Variants in PDE10A observed in about 807,000 individuals in gnomAD.
PDE10A encodes the protein cAMP and cAMP-inhibited cGMP 3',5'-cyclic phosphodiesterase 10A.
Under a neutral mutation model 97.7 loss-of-function variants are expected in PDE10A, and 39 were observed. That is an observed-to-expected ratio of 0.40 (90% CI 0.31 to 0.52). The LOEUF (loss-of-function observed/expected upper bound fraction) is 0.52, where lower values mean the gene tolerates loss of function less well. Ranked by LOEUF, PDE10A falls within the 20% of genes least tolerant of loss-of-function variation. PDE10A has a pLI of 0.56. For synonymous variants in PDE10A, 371 were observed against 376.8 expected, an observed-to-expected ratio of 0.98 and a Z score of 0.18; for missense variants, 731 against 1,047.8, an observed-to-expected ratio of 0.70 and a Z score of 4.17.
chr6:165,562,777 A>G lies in PDE10A; in HGVS notation c.866-19209T>C, dbSNP rs537080141. On this transcript the variant is annotated intron_variant, in intron 1 of 21. Coordinates refer to ENST00000539869, the MANE Select transcript of PDE10A (RefSeq NM_001385079.1). Reference sequence around the variant, plus strand: ...GAGCCCACCTGGCCTGGCACGTAGTAAAATTTAAATCATAAGTTCTCAGCT... The same window carrying G: ...GAGCCCACCTGGCCTGGCACGTAGTGAAATTTAAATCATAAGTTCTCAGCT... Among the ~76,000 whole-genome samples the G allele has an allele frequency of 1.7e-3, 254 of 152,306 alleles. 4 individuals are homozygous for G. Among genetic ancestry groups the G allele is most frequent in the Admixed American group, 0.014 (221 of 15,290 alleles).
chr6:165,366,530 G>GT (rs1339830145), intron 18 of PDE10A, among the ~76,000 whole-genome samples: 3 of 152,226 alleles, frequency 2.0e-5, no homozygotes, highest in Non-Finnish European at 2.9e-5. Flanking sequence ...AAAAACTGGC[G>GT]TAAGTGGAAG....
chr6:165,699,974 T>G (rs1008695988), intron 1 of PDE10A, among the ~76,000 whole-genome samples: 16 of 151,900 alleles, frequency 1.1e-4, no homozygotes, highest in Non-Finnish European at 2.1e-4. Flanking sequence ...AAGGAAATTA[T>G]AGAGTGGAAA....
chr6:165,911,102 T>C (rs531518406), intron 1 of PDE10A, among the ~76,000 whole-genome samples: 9 of 152,328 alleles, frequency 5.9e-5, no homozygotes, highest in Admixed American at 4.6e-4. Flanking sequence ...AGAATCACAA[T>C]GCTATTTTTA....
At chr6:165,343,678 A>G (rs959062946) in intron 18 of PDE10A, among the ~76,000 whole-genome samples, 176 bp from the exon 19 acceptor site, 2 of 152,244 alleles carry the variant, frequency 1.3e-5, no homozygotes, top group Non-Finnish European at 2.9e-5. Flanking sequence ...CATTTTCATC[A>G]TAAGAACAAG....
intron 1 of PDE10A, among the ~76,000 whole-genome samples, chr6:165,741,838 G>A (rs965764838): frequency 6.6e-6 from 1 of 152,080 alleles, no homozygotes; most frequent in Non-Finnish European, 1.5e-5. Context: ...TGCAAAGCAT[G>A]ACCTAAATTT....
chr6:165,392,674 T>C lies in PDE10A; in HGVS notation c.2426A>G (p.Asn809Ser), dbSNP rs781364504. Residue 809 changes from asparagine (N) to serine (S), a missense_variant, in exon 16 of 22, where the codon AAC (asparagine) becomes AGC (serine). Asn to Ser is a conservative substitution (Grantham distance 46, BLOSUM62 1). This residue lies in a region of PDE10A where 131 missense variants were observed against 187.4 expected (regional missense o/e 0.70). Transcript: ENST00000539869. The stretch of plus-strand genomic sequence containing the variant: ...AAGGTCTGTGAAAAGCGTGTGATTG[T>C]TCTGAAGTATGGCATACATGCAGTG... ...VAHCMYAILQ[N>S]NHTLFTDLER... The C allele has an allele frequency of 1.2e-6, 2 of 1,614,064 alleles. No homozygotes were observed. The highest frequency in any genetic ancestry group is 1.7e-5 in the Admixed American group (1 of 60,008).
At chr6:165,537,308 G>A (rs996912730) in intron 2 of PDE10A, among the ~76,000 whole-genome samples, 6 of 151,988 alleles carry the variant, frequency 3.9e-5, no homozygotes, top group Admixed American at 3.3e-4. Context: ...ATGGTTAAGA[G>A]TGGTTGGTTA....
intron 17 of PDE10A, among the ~76,000 whole-genome samples, chr6:165,387,678 C>A (rs973534489): frequency 7.9e-5 from 12 of 152,108 alleles, no homozygotes; most frequent in African/African-American, 2.9e-4. Flanking sequence ...AATATAGGGC[C>A]CACTATACTT....
chr6:165,393,685 A>G (rs1314968717), intron 15 of PDE10A, among the ~76,000 whole-genome samples: 9 of 152,334 alleles, frequency 5.9e-5, no homozygotes, highest in Admixed American at 3.3e-4. Context: ...TCCTTTTGAA[A>G]CACTAATTTA....
intron 5 of PDE10A, 51 bp downstream of exon 5, chr6:165,448,877 C>T (rs1309555178): frequency 3.7e-6 from 4 of 1,095,342 alleles, no homozygotes; most frequent in South Asian, 1.4e-5. Flanking sequence ...TTTAAAGGAG[C>T]TTATGATATT....
intron 3 of PDE10A, among the ~76,000 whole-genome samples, chr6:165,479,581 C>T (rs934728558): frequency 1.6e-4 from 25 of 152,176 alleles, no homozygotes; most frequent in Non-Finnish European, 1.3e-4. Flanking sequence ...CTGCTTTATT[C>T]TTCCATGTAT....
At chr6:165,499,727 T>G (rs971200275) in intron 2 of PDE10A, among the ~76,000 whole-genome samples, 1 of 152,224 alleles carries the variant, frequency 6.6e-6, no homozygotes, top group African/African-American at 2.4e-5. Context: ...TAATGTTCCA[T>G]TTTTGCTCAT....
intron 1 of PDE10A, among the ~76,000 whole-genome samples, chr6:165,934,020 C>T (rs1017771240): frequency 4.0e-5 from 6 of 150,838 alleles, no homozygotes; most frequent in South Asian, 4.2e-4. Context: ...AGTCTCACTG[C>T]GATGCCCAGG....
intron 1 of PDE10A, among the ~76,000 whole-genome samples, chr6:165,693,255 G>T (rs1186651933): frequency 6.6e-6 from 1 of 152,118 alleles, no homozygotes; most frequent in Non-Finnish European, 1.5e-5. Context: ...CTGAGGCCGG[G>T]CACGGTGGCT....
chr6:165,338,778 G>A (rs1202904548), intron 20 of PDE10A, among the ~76,000 whole-genome samples: 1 of 152,178 alleles, frequency 6.6e-6, no homozygotes, highest in African/African-American at 2.4e-5. Context: ...CTGTAGAAAG[G>A]AGTCGTGGCC....
intron 1 of PDE10A, among the ~76,000 whole-genome samples, chr6:165,836,433 C>G (rs1780065637): frequency 6.6e-6 from 1 of 152,226 alleles, no homozygotes; most frequent in Non-Finnish European, 1.5e-5. Flanking sequence ...AGCCCTTCGG[C>G]CTCCATGACT....
At chr6:165,950,971 C>G (rs561558348) in intron 1 of PDE10A, among the ~76,000 whole-genome samples, 1 of 152,334 alleles carries the variant, frequency 6.6e-6, no homozygotes, top group South Asian at 2.1e-4. Context: ...GGACATTATT[C>G]TTTCCTACAT....
At chr6:165,967,713 C>G (rs1784553163) in intron 1 of PDE10A, among the ~76,000 whole-genome samples, 1 of 152,164 alleles carries the variant, frequency 6.6e-6, no homozygotes, top group Non-Finnish European at 1.5e-5. Context: ...TCTTTTAATT[C>G]TTAGACATGG....
At chr6:165,436,959 A>G (rs1790063517) in intron 5 of PDE10A, among the ~76,000 whole-genome samples, 1 of 152,216 alleles carries the variant, frequency 6.6e-6, no homozygotes, top group Non-Finnish European at 1.5e-5. Context: ...AAAATGTGGT[A>G]TATTTAGAAT....
Sources: gnomAD v4.1 joint callset for allele counts (sites outside exome capture counted in the v4.1 genomes callset) on GRCh38, gnomAD v4.1.1 for gene constraint, gnomAD v4.1.1 regional missense constraint, MANE v1.5 for transcripts, NCBI Gene and HGNC (gene_info 2026-07-23, HGNC 2026-07-21) for gene names.